The following TMOD3 variants were observed in gnomAD, a reference collection of about 807,000 sequenced individuals.
The protein encoded by TMOD3 is tropomodulin-3.
In TMOD3, 20 loss-of-function variants were observed where a neutral mutation model predicts 39.2. That is an observed-to-expected ratio of 0.51 (90% CI 0.36 to 0.74). The LOEUF is 0.74. TMOD3 is among the 30% of genes least tolerant of loss of function. The probability of loss-of-function intolerance (pLI) is 0.00; values close to 1 mark genes in which losing one functional copy is unlikely to be tolerated. For synonymous variants in TMOD3, 143 were observed against 145.8 expected (o/e 0.98, Z 0.14); for missense variants, 381 against 412.8 (o/e 0.92, Z 0.67).
At chr15:51,846,214 C>T (rs1419233855) in intron 1 of TMOD3, among the ~76,000 whole-genome samples, 1 of 151,712 alleles carries the variant, frequency 6.6e-6, no homozygotes, top group Non-Finnish European at 1.5e-5. Context: ...ACCTATTGTC[C>T]CAGCTACTTG....
chr15:51,868,508 G>T (rs2141688831), intron 2 of TMOD3, among the ~76,000 whole-genome samples: 1 of 152,078 alleles, frequency 6.6e-6, no homozygotes, highest in African/African-American at 2.4e-5. Context: ...TCATCACTTA[G>T]CTCTATATGT....
intron 5 of TMOD3, among the ~76,000 whole-genome samples, chr15:51,892,007 G>T (rs1482680483): frequency 1.3e-5 from 2 of 152,134 alleles, no homozygotes; most frequent in Admixed American, 6.5e-5. Flanking sequence ...AATATATTCA[G>T]ATTTTTCACC....
intron 1 of TMOD3, among the ~76,000 whole-genome samples, chr15:51,851,652 A>G (rs1199324231): frequency 6.6e-6 from 1 of 152,262 alleles, no homozygotes; most frequent in African/African-American, 2.4e-5. Context: ...AAATACAGGT[A>G]GCATAGGGCA....
intron 1 of TMOD3, chr15:51,859,369 A>G: frequency 1.4e-6 from 1 of 695,452 alleles, no homozygotes; most frequent in Non-Finnish European, 2.7e-6. Flanking sequence ...AACTCTCTCA[A>G]AGCCCTCTCA....
chr15:51,878,406 G>GTA (rs58185947), intron 3 of TMOD3, among the ~76,000 whole-genome samples: 6 of 148,364 alleles, frequency 4.0e-5, no homozygotes, highest in Non-Finnish European at 3.0e-5. Context: ...GTGTGTGTGT[G>GTA]TAAAACTTGT....
intron 1 of TMOD3, among the ~76,000 whole-genome samples, chr15:51,843,397 T>C (rs1272751492): frequency 6.6e-6 from 1 of 152,134 alleles, no homozygotes; most frequent in African/African-American, 2.4e-5. Flanking sequence ...AGGGGAGTTT[T>C]ATCAAAATCA....
At chr15:51,892,593 C>A (rs1006743547) in intron 5 of TMOD3, 1 of 152,176 alleles carries the variant, frequency 6.6e-6, no homozygotes. Context: ...CTTATTCCTA[C>A]CCTCTTTCCT....
At chr15:51,902,066 G>C in intron 9 of TMOD3, 30 bp downstream of exon 9, 1 of 1,609,046 alleles carries the variant, frequency 6.2e-7, no homozygotes, top group Non-Finnish European at 8.5e-7. Context: ...AAGTTTCTGA[G>C]TTCTATCACA....
chr15:51,908,181 T>G (rs927241612), intron 9 of TMOD3, among the ~76,000 whole-genome samples: 4 of 152,230 alleles, frequency 2.6e-5, no homozygotes, highest in Non-Finnish European at 5.9e-5. Context: ...TAGTTACTTT[T>G]AATATGTTCT....
At chr15:51,874,973 G>C (rs1007503602) in intron 3 of TMOD3, 4 of 152,164 alleles carry the variant, frequency 2.6e-5, no homozygotes, top group Non-Finnish European at 5.9e-5. Context: ...CCTGAGAATG[G>C]AATGCCCTTT....
At position 51,913,467 on chromosome 15, in the gene TMOD3, C is replaced by T. The variant is rs1373665434; in HGVS notation, c.*4657C>T. On this transcript the variant is annotated 3_prime_UTR_variant, in exon 10 of 10. Transcript: ENST00000308580. ...ATCCAAAATAATTTGAAATCTGAAA[C>T]ACTTAATGGTCCCAGCATGTTGGAT... is the stretch of plus-strand genomic sequence containing the variant. The T allele has an allele frequency of 6.6e-6, 1 of 152,132 alleles. No individual in the cohort carries two copies. Among genetic ancestry groups the T allele is most frequent in the Non-Finnish European group, 1.5e-5 (1 of 68,022 alleles). 9.4% of individuals were successfully genotyped at this position (152,132 alleles called of 1,614,324 possible).
intron 2 of TMOD3, among the ~76,000 whole-genome samples, chr15:51,867,729 C>T (rs905900134): frequency 6.6e-5 from 10 of 152,200 alleles, no homozygotes; most frequent in African/African-American, 2.2e-4. Flanking sequence ...TGTGATTTCT[C>T]TGGCTGCCTC....
intron 1 of TMOD3, among the ~76,000 whole-genome samples, chr15:51,861,513 T>A (rs1420926427): frequency 2.0e-5 from 3 of 151,502 alleles, no homozygotes; most frequent in Admixed American, 6.6e-5. Flanking sequence ...AGAAAAAACA[T>A]ACTAAAATAT....
intron 5 of TMOD3, among the ~76,000 whole-genome samples, chr15:51,893,116 C>T (rs922474553): frequency 5.3e-5 from 8 of 150,700 alleles, no homozygotes; most frequent in African/African-American, 1.7e-4. Context: ...GCCAACATGA[C>T]GAAACCCATC....
chr15:51,863,963 A>G (rs929170589), intron 2 of TMOD3, among the ~76,000 whole-genome samples: 5 of 152,120 alleles, frequency 3.3e-5, no homozygotes, highest in African/African-American at 1.2e-4. Context: ...ACCTATTTGA[A>G]TCAAATGTTT....
chr15:51,849,949 AAAGAT>A (rs1245307181), intron 1 of TMOD3, among the ~76,000 whole-genome samples: 5 of 152,034 alleles, frequency 3.3e-5, no homozygotes, highest in Non-Finnish European at 5.9e-5. Context: ...AAAAAAAAAA[AAAGAT>A]GAGGACTGAA....
chr15:51,911,645 G>A lies in TMOD3; in HGVS notation c.*2835G>A, dbSNP rs979378218. The A allele has an allele frequency of 6.6e-6, 1 of 151,986 alleles. No individual in the cohort carries two copies. The highest frequency in any genetic ancestry group is 2.4e-5 in the African/African-American group (1 of 41,392). The allele number at this position is 151,986 out of a possible 1,614,324, so 9.4% of individuals were successfully genotyped here. On this transcript the variant is annotated 3_prime_UTR_variant, in exon 10 of 10. Transcript: ENST00000308580. ...GGTTATTTAAAAGAATATTCTTTGTGTTTTTAAATTGCTATTTTTAAAAAA... is the reference window on the plus strand; with the variant it reads ...GGTTATTTAAAAGAATATTCTTTGTATTTTTAAATTGCTATTTTTAAAAAA...
At position 51,915,484 on chromosome 15, in the gene TMOD3, C is replaced by A. The variant is rs2056728934; in HGVS notation, c.*6674C>A. 1 of 152,034 alleles carries A rather than the reference C, an allele frequency of 6.6e-6. No homozygotes were observed. Among genetic ancestry groups the A allele is most frequent in the South Asian group, 2.1e-4 (1 of 4,818 alleles). The allele number at this position is 152,034 out of a possible 1,614,324, so 9.4% of individuals were successfully genotyped here. A position where few individuals can be genotyped will look rare whatever the true frequency, so the allele number is the denominator to read the frequency against. On this transcript the variant is annotated 3_prime_UTR_variant, in exon 10 of 10. Transcript: ENST00000308580. ...AATGTCATTCATTGTCACATGAAATCAGGTATTTACGTTTTTTTCTAATGC... is the reference window on the plus strand; with the variant it reads ...AATGTCATTCATTGTCACATGAAATAAGGTATTTACGTTTTTTTCTAATGC...
chr15:51,860,616 G>A (rs2056412362), intron 1 of TMOD3: 1 of 545,800 alleles, frequency 1.8e-6, no homozygotes, highest in African/African-American at 1.9e-5. Flanking sequence ...GCTAAGTTGA[G>A]TTTTAGTAGC....
Sources: gnomAD v4.1 joint callset for allele counts (sites outside exome capture counted in the v4.1 genomes callset) on GRCh38, gnomAD v4.1.1 for gene constraint, MANE v1.5 for transcripts, NCBI Gene and HGNC (gene_info 2026-07-23, HGNC 2026-07-21) for gene names.